The following SEC31A variants were observed in gnomAD, a reference collection of about 807,000 sequenced individuals.
SEC31A encodes the protein protein transport protein Sec31A.
Under a neutral mutation model 151.0 loss-of-function variants are expected in SEC31A, and 70 were observed. That is an observed-to-expected ratio of 0.46 (90% CI 0.38 to 0.57). SEC31A has a LOEUF of 0.57. Ranked by LOEUF, SEC31A falls within the 20% of genes least tolerant of loss-of-function variation. SEC31A has a pLI of 0.00. For missense variants in SEC31A, 1,330 were observed against 1,471.2 expected (o/e 0.90, Z 1.57); for synonymous variants, 475 against 505.9 (o/e 0.94, Z 0.82).
chr4:82,842,004 A>C (rs1385738727), intron 22 of SEC31A, 136 bp downstream of exon 22: 4 of 724,904 alleles, frequency 5.5e-6, no homozygotes, highest in Non-Finnish European at 8.5e-6. Context: ...AAAAACACAA[A>C]AAACAAACCC....
intron 14 of SEC31A, among the ~76,000 whole-genome samples, chr4:82,858,784 A>G (rs1047507233): frequency 6.0e-5 from 9 of 151,196 alleles, no homozygotes; most frequent in Non-Finnish European, 1.2e-4. Flanking sequence ...CTCACTGCAA[A>G]CTCTGCCTCC....
At chr4:82,879,048 C>T in intron 3 of SEC31A, 120 bp from the exon 4 acceptor site, 3 of 710,266 alleles carry the variant, frequency 4.2e-6, no homozygotes, top group South Asian at 1.9e-5. Context: ...ATTACTTTCC[C>T]ACCACTCCTG....
intron 1 of SEC31A, among the ~76,000 whole-genome samples, chr4:82,884,188 C>T (rs1740092514): frequency 6.6e-6 from 1 of 151,832 alleles, no homozygotes. Flanking sequence ...GGGGTTTCAC[C>T]ATGTTGGCCA....
chr4:82,856,665 C>T (rs992773511), intron 16 of SEC31A, among the ~76,000 whole-genome samples: 3 of 151,966 alleles, frequency 2.0e-5, no homozygotes, highest in African/African-American at 7.2e-5. Flanking sequence ...GTAGGAGAAT[C>T]GCTTGAACCC....
chr4:82,845,135 G>A, intron 20 of SEC31A: 1 of 1,070,408 alleles, frequency 9.3e-7, no homozygotes, highest in Non-Finnish European at 1.4e-6. Context: ...AAGGTAAGTA[G>A]AGAACATATA....
chr4:82,884,895 G>A (rs536003140), intron 1 of SEC31A, among the ~76,000 whole-genome samples: 34 of 152,238 alleles, frequency 2.2e-4, no homozygotes, highest in African/African-American at 7.2e-4. Flanking sequence ...GCCTTGGACC[G>A]AAACAGTGAA....
In SEC31A at chr4:82,842,451, C is replaced by G; in HGVS notation, c.2657G>C (p.Gly886Ala). The G allele has an allele frequency of 1.9e-6, 3 of 1,613,236 alleles. No individual in the cohort carries two copies. The highest frequency in any genetic ancestry group is 2.5e-6 in the Non-Finnish European group (3 of 1,179,682). The change falls in exon 22 of 27, where the codon GGA becomes GCA. Residue 886 changes from glycine (G) to alanine (A), a missense_variant. Transcript: ENST00000395310. ...TCGATACATTGCTGACCCCCCTGTT[C>G]CGAAGGGATACGGCTGGGCTGGTTG... The part of the protein sequence containing the change: ...PYQPAQPYPF[G>A]TGGSAMYRPQ...
At chr4:82,865,474 C>G (rs573200775) in intron 10 of SEC31A, among the ~76,000 whole-genome samples, 1 of 139,084 alleles carries the variant, frequency 7.2e-6, no homozygotes, top group South Asian at 2.3e-4. Context: ...CATTTATTCA[C>G]AATAGCCAAA....
chr4:82,819,392 T>C (rs1056864187), intron 26 of SEC31A, 139 bp from the exon 27 acceptor site: 17 of 600,236 alleles, frequency 2.8e-5, no homozygotes, highest in Non-Finnish European at 4.3e-5. Flanking sequence ...TTAGCATTTC[T>C]AGAAAGTTTC....
chr4:82,842,404 G>A lies in SEC31A; in HGVS notation c.2704C>T (p.Pro902Ser). ...MYRPQQPVAP[P>S]TSNAYPNTPY... is the part of the protein sequence containing the mutation. ...GTGTTAGGGTAAGCGTTTGAAGTAG[G>A]AGGAGCAACAGGCTGCTGAGGTCGA... The change falls in exon 22 of 27, where the codon CCT becomes TCT. Residue 902 changes from proline to serine, a missense_variant. Physicochemically the swap from Pro to Ser is moderately conservative, Grantham distance 74. Transcript: ENST00000395310. 2 of 1,614,018 alleles carry A rather than the reference G, an allele frequency of 1.2e-6. No homozygotes were observed. The highest frequency in any genetic ancestry group is 1.1e-5 in the South Asian group (1 of 91,042).
intron 3 of SEC31A, among the ~76,000 whole-genome samples, chr4:82,880,099 C>T (rs1738930286): frequency 6.6e-6 from 1 of 151,748 alleles, no homozygotes; most frequent in Non-Finnish European, 1.5e-5. Flanking sequence ...AGGAGAATTG[C>T]TAGAACCTAG....
At chr4:82,878,631 T>C in intron 4 of SEC31A, 99 bp downstream of exon 4, 1 of 997,242 alleles carries the variant, frequency 1.0e-6, no homozygotes, top group Non-Finnish European at 1.5e-6. Flanking sequence ...GCCACAGTTT[T>C]TTAACTTTCA....
chr4:82,877,264 TG>T (rs1738172162), intron 4 of SEC31A, among the ~76,000 whole-genome samples: 1 of 152,026 alleles, frequency 6.6e-6, no homozygotes, highest in South Asian at 2.1e-4. Flanking sequence ...ATAAACAAGT[TG>T]GGTTTCTGTA....
Position 82,842,187 on chromosome 4 carries a change from G to A in SEC31A, c.2921C>T (p.Thr974Ile). 4 of 1,596,590 alleles carry A rather than the reference G, an allele frequency of 2.5e-6. No individual in the cohort carries two copies. The highest frequency in any genetic ancestry group is 3.4e-6 in the Non-Finnish European group (4 of 1,169,662). Residue 974 changes from threonine to isoleucine, a missense_variant, in exon 22 of 27, where the codon ACA (threonine) becomes ATA (isoleucine). Coordinates refer to ENST00000395310, the MANE Select transcript of SEC31A (RefSeq NM_001077207.4). ...SSAYALPPGT[T>I]GTLPAASELP... ...CTCACTGGCAGCAGGCAGTGTACCTGTTGTTCCAGGAGGCAGTGCATAAGC... is the reference window on the plus strand; with the variant it reads ...CTCACTGGCAGCAGGCAGTGTACCTATTGTTCCAGGAGGCAGTGCATAAGC...
chr4:82,867,288 T>C lies in SEC31A; in HGVS notation c.911A>G (p.Gln304Arg). Reference protein sequence around the residue: ...EVLYELPTNTQWCFDIQWCPR... With the variant: ...EVLYELPTNTRWCFDIQWCPR... ...ACACCACTGAATATCGAAGCACCAC[T>C]GTGTGTTGGTGGGAAGTTCATATAA... Residue 304 changes from glutamine (Q) to arginine (R), a missense_variant, in exon 9 of 27, where the codon CAG becomes CGG. Transcript: ENST00000395310. 3 of 1,614,154 alleles carry C rather than the reference T, an allele frequency of 1.9e-6. No homozygotes were observed. Among genetic ancestry groups the C allele is most frequent in the Non-Finnish European group, 2.5e-6 (3 of 1,180,016 alleles).
At chr4:82,844,105 T>C (rs1303162356) in intron 21 of SEC31A, 3 of 388,248 alleles carry the variant, frequency 7.7e-6, no homozygotes, top group African/African-American at 2.1e-5. Flanking sequence ...TGTTTCTTTA[T>C]ACCAAAATCA....
At chr4:82,841,295 C>T (rs1400681531) in intron 22 of SEC31A, among the ~76,000 whole-genome samples, 2 of 150,616 alleles carry the variant, frequency 1.3e-5, no homozygotes, top group Admixed American at 6.6e-5. Context: ...TGGTGGTGCA[C>T]ACCTGTAATC....
chr4:82,823,879 TGAGAGGCA>T (rs1244060027), intron 25 of SEC31A, among the ~76,000 whole-genome samples: 1 of 152,200 alleles, frequency 6.6e-6, no homozygotes, highest in Non-Finnish European at 1.5e-5. Flanking sequence ...GTTTTGTTGA[TGAGAGGCA>T]GTATAGCTTG....
intron 7 of SEC31A, 122 bp downstream of exon 7, chr4:82,871,822 G>T: frequency 7.9e-7 from 1 of 1,269,778 alleles, no homozygotes; most frequent in Non-Finnish European, 1.1e-6. Flanking sequence ...CTAAGTGACA[G>T]AGCAAAACTC....
Sources: allele counts gnomAD v4.1 joint callset (sites outside exome capture counted in the v4.1 genomes callset), GRCh38; gene constraint gnomAD v4.1.1; transcripts MANE v1.5; gene names NCBI Gene and HGNC (gene_info 2026-07-23, HGNC 2026-07-21).